FAM117B: variants seen among roughly 807,000 people sequenced by gnomAD.
The protein encoded by FAM117B is family with sequence similarity 117 member B.
FAM117B carries 22 observed loss-of-function variants against 52.8 expected under a neutral mutation model. The ratio of observed to expected loss-of-function variants is 0.42; its 90% confidence interval spans 0.30 to 0.59. The LOEUF is 0.59. Among genes scored for constraint, FAM117B ranks in the 20% least tolerant of loss-of-function variants. The pLI is 0.22. For synonymous variants in FAM117B, 309 were observed against 324.1 expected (o/e 0.95, Z 0.50); for missense variants, 678 against 802.6 (o/e 0.84, Z 1.88).
At chr2:202,696,941 C>A (rs946370742) in intron 2 of FAM117B, among the ~76,000 whole-genome samples, 18 of 152,218 alleles carry the variant, frequency 1.2e-4, no homozygotes, top group African/African-American at 4.3e-4. Context: ...TGCTGGTGCA[C>A]ACTTGTAGTA....
intron 2 of FAM117B, among the ~76,000 whole-genome samples, chr2:202,700,178 GTCTC>G (rs1690776464): frequency 6.6e-6 from 1 of 152,152 alleles, no homozygotes; most frequent in African/African-American, 2.4e-5. Flanking sequence ...AGAGTTACAT[GTCTC>G]TCTATTTCAA....
chr2:202,731,414 T>C (rs1276385462), intron 4 of FAM117B, among the ~76,000 whole-genome samples: 1 of 137,486 alleles, frequency 7.3e-6, no homozygotes, highest in Non-Finnish European at 1.6e-5. Context: ...ATATAAACTT[T>C]TATTTATTTT....
chr2:202,698,642 C>G (rs1254091977), intron 2 of FAM117B, among the ~76,000 whole-genome samples: 1 of 152,124 alleles, frequency 6.6e-6, no homozygotes, highest in Non-Finnish European at 1.5e-5. Context: ...AGGCCAGTCT[C>G]AAACTCCTGA....
chr2:202,649,330 C>T (rs965763893), intron 1 of FAM117B, among the ~76,000 whole-genome samples: 1 of 152,034 alleles, frequency 6.6e-6, no homozygotes, highest in African/African-American at 2.4e-5. Context: ...CTATTGTTGC[C>T]TCTTTTTACT....
chr2:202,643,024 G>C (rs984302829), intron 1 of FAM117B, among the ~76,000 whole-genome samples: 2 of 152,204 alleles, frequency 1.3e-5, no homozygotes, highest in Admixed American at 6.5e-5. Flanking sequence ...ATAGGCCTTT[G>C]AATCTGGCAT....
At chr2:202,749,086 CAT>C (rs1386245969) in intron 4 of FAM117B, among the ~76,000 whole-genome samples, 9 of 152,006 alleles carry the variant, frequency 5.9e-5, no homozygotes, top group African/African-American at 1.2e-4. Context: ...TTTCATGAAA[CAT>C]ATATATTCAT....
chr2:202,697,553 T>C (rs969350626), intron 2 of FAM117B, among the ~76,000 whole-genome samples: 7 of 151,652 alleles, frequency 4.6e-5, no homozygotes, highest in South Asian at 2.1e-4. Context: ...TTCTTTCTTT[T>C]TTTTTTTTTT....
In FAM117B at chr2:202,635,175, GA is replaced by G. The variant is rs1452247179; in HGVS notation, c.-12del. On this transcript the variant is annotated 5_prime_UTR_variant, in exon 1 of 8. Transcript: ENST00000392238. ...CCCCCCGTCTCGCCCAGTCACCGGG[GA>G]GGGGGGGGACCATGTCCCAGCGGGT... 18 of 1,269,458 alleles carry G rather than the reference GA, an allele frequency of 1.4e-5. No homozygotes were observed. The highest frequency in any genetic ancestry group is 4.1e-5 in the Admixed American group (1 of 24,514). The allele number at this position is 1,269,458 out of a possible 1,614,324, so 78.6% of individuals were successfully genotyped here.
chr2:202,659,075 G>C lies in FAM117B; in HGVS notation c.601+23287G>C, dbSNP rs368456538. On this transcript the variant is annotated intron_variant, in intron 1 of 7. Transcript: ENST00000392238. Reference sequence around the variant, plus strand: ...AGGCTGGAGTGCAGTGGCATGTTCTGGCTCACTGCAACCTCTGCCTCCCGG... The same window carrying C: ...AGGCTGGAGTGCAGTGGCATGTTCTCGCTCACTGCAACCTCTGCCTCCCGG... Among the ~76,000 whole-genome samples the C allele has an allele frequency of 2.0e-4, 30 of 151,086 alleles. No individual in the cohort carries two copies. In the East Asian group the frequency reaches 4.9e-3, roughly 25 times the overall value.
Position 202,753,578 on chromosome 2 carries a change from A to G in FAM117B, c.961-1960A>G, listed in dbSNP as rs561258133. 2.6e-5 allele frequency among the ~76,000 whole-genome samples: 4 copies of G among 152,324 alleles called. No individual in the cohort carries two copies. The East Asian group carries it at 5.8e-4, about 22-fold the overall frequency. On this transcript the variant is annotated intron_variant, in intron 4 of 7. Transcript: ENST00000392238. ...AAACTATCATCAGAGTGAACAGGCA[A>G]CCTACAGAATGGGAGAAAACTTTTG...
At chr2:202,691,084 A>C (rs1036110392) in intron 1 of FAM117B, among the ~76,000 whole-genome samples, 5 of 152,172 alleles carry the variant, frequency 3.3e-5, no homozygotes, top group African/African-American at 1.2e-4. Flanking sequence ...GCATTTTTAC[A>C]TGTATAACTC....
chr2:202,708,637 G>C (rs1044289128), intron 2 of FAM117B, among the ~76,000 whole-genome samples: 1 of 152,114 alleles, frequency 6.6e-6, no homozygotes, highest in Non-Finnish European at 1.5e-5. Flanking sequence ...ACTGGGTCTT[G>C]TTCTGTTGCG....
intron 1 of FAM117B, among the ~76,000 whole-genome samples, chr2:202,671,576 A>T (rs1215715979): frequency 1.3e-5 from 2 of 152,228 alleles, no homozygotes; most frequent in African/African-American, 4.8e-5. Context: ...CTGTTCATAG[A>T]AACTGCAGGT....
intron 2 of FAM117B, among the ~76,000 whole-genome samples, chr2:202,714,348 GA>G (rs1462272486): frequency 2.0e-5 from 3 of 151,978 alleles, no homozygotes; most frequent in East Asian, 3.9e-4. Flanking sequence ...GATTGAGTCT[GA>G]TTTTTTTGTT....
chr2:202,635,594 GC>G lies in FAM117B; in HGVS notation c.413del (p.Pro138HisfsTer28). On this transcript the variant is annotated frameshift_variant, in exon 1 of 8. Coordinates refer to ENST00000392238, the MANE Select transcript of FAM117B (RefSeq NM_173511.4). LOFTEE classifies it high-confidence loss of function. Reference sequence around the variant, plus strand: ...AGCGCCGCGCCTGGAGCTCGCGGGAGCCCCCCACGGCCGCCGCCGCCGCCGC... The same window carrying G: ...AGCGCCGCGCCTGGAGCTCGCGGGAGCCCCCACGGCCGCCGCCGCCGCCGC... Reference protein sequence around the residue: ...TRSAAPGARGSPPRPPPPPPL... With the variant: ...TRSAAPGARGXPPRPPPPPPL... 4.0e-6 allele frequency: 5 copies of G among 1,255,388 alleles called. No individual in the cohort carries two copies. The highest frequency in any genetic ancestry group is 4.0e-6 in the Non-Finnish European group (4 of 1,007,392). The allele number at this position is 1,255,388 out of a possible 1,614,324, so 77.8% of individuals were successfully genotyped here.
intron 5 of FAM117B, among the ~76,000 whole-genome samples, chr2:202,756,524 GGAA>G (rs1332336814): frequency 6.6e-6 from 1 of 152,132 alleles, no homozygotes; most frequent in East Asian, 1.9e-4. Context: ...TAGTGAAGGA[GGAA>G]TTGAGTATTG....
At chr2:202,725,299 C>CTT (rs11432596) in intron 3 of FAM117B, 3,891 of 148,612 alleles carry the variant, frequency 0.026, 99 homozygotes, top group African/African-American at 0.061. Context: ...CACATTTATT[C>CTT]TTTTTTTTTT....
At chr2:202,685,224 A>G (rs945176941) in intron 1 of FAM117B, among the ~76,000 whole-genome samples, 1 of 152,110 alleles carries the variant, frequency 6.6e-6, no homozygotes, top group African/African-American at 2.4e-5. Flanking sequence ...ACTTCAAGTG[A>G]TCCACCTGCC....
At chr2:202,761,452 G>T (rs1264019837) in intron 7 of FAM117B, among the ~76,000 whole-genome samples, 1 of 152,196 alleles carries the variant, frequency 6.6e-6, no homozygotes, top group Non-Finnish European at 1.5e-5. Flanking sequence ...AGGTGTGTGT[G>T]TGTGTCTGTA....
Sources: gnomAD v4.1 joint callset for allele counts (sites outside exome capture counted in the v4.1 genomes callset) on GRCh38, gnomAD v4.1.1 for gene constraint, MANE v1.5 for transcripts, NCBI Gene and HGNC (gene_info 2026-07-23, HGNC 2026-07-21) for gene names.